PHF19: variants seen among roughly 807,000 people sequenced by gnomAD.
PHF19 encodes the protein polycomb like 3.
Under a neutral mutation model 79.8 loss-of-function variants are expected in PHF19, and 21 were observed. The ratio of observed to expected loss-of-function variants is 0.26; its 90% CI spans 0.19 to 0.38. The LOEUF (loss-of-function observed/expected upper bound fraction) is 0.38, where lower values mean the gene tolerates loss of function less well. Ranked by LOEUF, PHF19 falls within the 10% of genes least tolerant of loss-of-function variation. PHF19 has a pLI of 1.00. For synonymous variants in PHF19, 273 were observed against 296.3 expected (o/e 0.92, Z 0.81); for missense variants, 445 against 744.2 (o/e 0.60, Z 4.68).
At chr9:120,864,251 T>C (rs1237870967) in intron 9 of PHF19, 135 bp from the exon 10 acceptor site, 3 of 713,426 alleles carry the variant, frequency 4.2e-6, no homozygotes, top group East Asian at 5.4e-5. Context: ...CACTCCAGGA[T>C]CTCAGAAAAG....
chr9:120,886,959 G>A (rs2046271784), intron 1 of PHF19, among the ~76,000 whole-genome samples: 1 of 151,554 alleles, frequency 6.6e-6, no homozygotes, highest in Non-Finnish European at 1.5e-5. Context: ...ACAGCTACCC[G>A]GGAGGCTGAG....
chr9:120,896,271 G>T (rs1203255483), upstream of PHF19, among the ~76,000 whole-genome samples: 1 of 152,072 alleles, frequency 6.6e-6, no homozygotes, highest in Non-Finnish European at 1.5e-5. Flanking sequence ...ACTCTGCTAA[G>T]CTCTTAGGTC....
At chr9:120,901,204 G>GT in the PHF19 span, among the ~76,000 whole-genome samples, 132 of 150,948 alleles carry the variant, frequency 8.7e-4, 1 homozygote, top group East Asian at 3.2e-3. Flanking sequence ...TCTTTTTTTT[G>GT]TTGTTTGAGA....
Position 120,857,552 on chromosome 9 carries a change from A to T in PHF19, c.*392T>A, listed in dbSNP as rs2045388148. 1 of 176,842 alleles carries T rather than the reference A, an allele frequency of 5.7e-6. No homozygotes were observed. The highest frequency in any genetic ancestry group is 1.2e-5 in the Non-Finnish European group (1 of 85,134). The allele number at this position is 176,842 out of a possible 1,614,324, so 11.0% of individuals were successfully genotyped here. On this transcript the variant is annotated 3_prime_UTR_variant, in exon 15 of 15. Coordinates refer to ENST00000373896, the MANE Select transcript of PHF19 (RefSeq NM_015651.3). ...TGTGAAGGGGATCCAGTGGAGGGACAGCTGTGCACACACAGGATGTGCGAA... is the reference window on the plus strand; with the variant it reads ...TGTGAAGGGGATCCAGTGGAGGGACTGCTGTGCACACACAGGATGTGCGAA...
In PHF19 at chr9:120,866,987, G is replaced by A. The variant is rs766123345; in HGVS notation, c.615-22C>T. 1.2e-5 allele frequency: 18 copies of A among 1,457,706 alleles called. No individual in the cohort carries two copies. Among genetic ancestry groups the A allele is most frequent in the Non-Finnish European group, 1.4e-5 (15 of 1,037,474 alleles). 90.3% of individuals were successfully genotyped at this position (1,457,706 alleles called of 1,614,324 possible). ...CCATCTGGAGAGACAGAGGAGCCAA[G>A]GTCAGCCAGGACCACACCCCCAGTC... On this transcript the variant is annotated intron_variant, in intron 6 of 14. Transcript: ENST00000373896. This position sits in a 1 kb window ranked among gnomAD's most constrained non-coding sequence, Gnocchi z 5.2.
chr9:120,887,621 AACAC>A lies in PHF19; in HGVS notation c.42+7163_42+7166del, dbSNP rs764204141. ...TCTTAAATACATCTGTTTATGAACA[AACAC>A]ACACACACACACACACACACACACA... On this transcript the variant is annotated intron_variant, in intron 1 of 14. Transcript: ENST00000616568. 1.9e-3 allele frequency among the ~76,000 whole-genome samples: 218 copies of A among 113,620 alleles called. 1 individual carries two copies. Among genetic ancestry groups the A allele is most frequent in the African/African-American group, 3.8e-3 (109 of 28,632 alleles). 74.5% of individuals were successfully genotyped at this position (113,620 alleles called of 152,430 possible).
chr9:120,878,326 G>T (rs1030305592), upstream of PHF19, among the ~76,000 whole-genome samples: 2 of 152,174 alleles, frequency 1.3e-5, no homozygotes, highest in African/African-American at 4.8e-5. Flanking sequence ...ACCCTGCCCT[G>T]TGGGGGAAAG....
At position 120,884,795 on chromosome 9, in the gene PHF19, C is replaced by T. The variant is rs572789499; in HGVS notation, c.42+9993G>A. ...AATTAGCTGGATGTGGTGGTACACG[C>T]CTATGATCCCAGCTACTCCAGAGGC... On this transcript the variant is annotated intron_variant, in intron 1 of 14. Coordinates refer to the PHF19 transcript ENST00000616568. 4.5e-4 allele frequency among the ~76,000 whole-genome samples: 68 copies of T among 151,782 alleles called. 1 individual carries two copies. The South Asian group carries it at 0.013, about 30-fold the overall frequency.
chr9:120,884,570 T>C (rs1309397247), intron 1 of PHF19, among the ~76,000 whole-genome samples: 1 of 152,136 alleles, frequency 6.6e-6, no homozygotes, highest in East Asian at 1.9e-4. Flanking sequence ...TCAACTAGTA[T>C]TGGTGGAACT....
In PHF19 at chr9:120,869,991, C is replaced by G. The variant is rs2045847093; in HGVS notation, c.365-46G>C. ...GTGAGCGCCCACAAGGACATCGTGG[C>G]CCAAGGCCAGTTGGCCCAAAGGAGG... On this transcript the variant is annotated intron_variant, in intron 4 of 14. Coordinates refer to ENST00000373896, the MANE Select transcript of PHF19 (RefSeq NM_015651.3). The surrounding 1 kb of genome is among the most constrained non-coding windows in gnomAD (Gnocchi z 5.8). The G allele has an allele frequency of 6.5e-7, 1 of 1,541,198 alleles. No individual in the cohort carries two copies. Among genetic ancestry groups the G allele is most frequent in the East Asian group, 2.4e-5 (1 of 40,948 alleles).
At chr9:120,889,366 C>T (rs986268604) in intron 1 of PHF19, among the ~76,000 whole-genome samples, 11 of 146,428 alleles carry the variant, frequency 7.5e-5, no homozygotes, top group African/African-American at 2.8e-4. Flanking sequence ...GCGGAGGTTG[C>T]AGTGAGCTGA....
chr9:120,857,360 C>G lies in PHF19; in HGVS notation c.*584G>C, dbSNP rs1237948493. The stretch of plus-strand genomic sequence containing the variant: ...CTCTTCAGATCCTCACAGGCTTTCA[C>G]AGGGGCTCTCTCCCATCCCACCACC... On this transcript the variant is annotated 3_prime_UTR_variant, in exon 15 of 15. Coordinates refer to ENST00000373896, the MANE Select transcript of PHF19 (RefSeq NM_015651.3). The G allele has an allele frequency of 6.6e-6, 1 of 152,354 alleles. No individual in the cohort carries two copies. Among genetic ancestry groups the G allele is most frequent in the African/African-American group, 2.4e-5 (1 of 41,438 alleles). The allele number at this position is 152,354 out of a possible 1,614,324, so 9.4% of individuals were successfully genotyped here. A position where few individuals can be genotyped will look rare whatever the true frequency, so the allele number is the denominator to read the frequency against.
At chr9:120,887,230 G>C (rs974661451) in intron 1 of PHF19, among the ~76,000 whole-genome samples, 1 of 151,438 alleles carries the variant, frequency 6.6e-6, no homozygotes, top group Non-Finnish European at 1.5e-5. Context: ...CAAGGTGGGC[G>C]GATCACCTGA....
At position 120,860,996 on chromosome 9, in the gene PHF19, C is replaced by T. The variant is rs943452855; in HGVS notation, c.1304+93G>A. On this transcript the variant is annotated intron_variant, in intron 13 of 14. Transcript: ENST00000373896. This position sits in a 1 kb window ranked among gnomAD's most constrained non-coding sequence, Gnocchi z 4.1. ...AAAAGCCCCTTCAGACAGACCTGCACAGCAGGGATCCTTTTAACTGAGGGC... is the reference window on the plus strand; with the variant it reads ...AAAAGCCCCTTCAGACAGACCTGCATAGCAGGGATCCTTTTAACTGAGGGC... The T allele has an allele frequency of 1.3e-6, 1 of 799,476 alleles. No homozygotes were observed. Among genetic ancestry groups the T allele is most frequent in the Non-Finnish European group, 2.2e-6 (1 of 445,548 alleles). 49.5% of individuals were successfully genotyped at this position (799,476 alleles called of 1,614,324 possible).
At position 120,861,078 on chromosome 9, in the gene PHF19, C is replaced by T. The variant is rs377153715; in HGVS notation, c.1304+11G>A. The T allele has an allele frequency of 5.1e-5, 77 of 1,518,886 alleles. No homozygotes were observed. The highest frequency in any genetic ancestry group is 4.8e-5 in the Non-Finnish European group (52 of 1,093,238). 94.1% of individuals were successfully genotyped at this position (1,518,886 alleles called of 1,614,324 possible). On this transcript the variant is annotated intron_variant, in intron 13 of 14. Coordinates refer to ENST00000373896, the MANE Select transcript of PHF19 (RefSeq NM_015651.3). Reference sequence around the variant, plus strand: ...CAGAGCAGACCTCTGTGCTAGGTCCCTCACTGATACCTTTTTAAACTTTGA... The same window carrying T: ...CAGAGCAGACCTCTGTGCTAGGTCCTTCACTGATACCTTTTTAAACTTTGA...
chr9:120,877,526 G>T (rs1355015051), upstream of PHF19, among the ~76,000 whole-genome samples: 2 of 151,610 alleles, frequency 1.3e-5, no homozygotes, highest in Non-Finnish European at 2.9e-5. Context: ...ACACCGCGGC[G>T]CACACGGAGA....
At chr9:120,885,798 G>A (rs1321094259) in intron 1 of PHF19, among the ~76,000 whole-genome samples, 1 of 152,120 alleles carries the variant, frequency 6.6e-6, no homozygotes, top group Non-Finnish European at 1.5e-5. Context: ...CCTTCTGTTT[G>A]AGTGTTCCAT....
At chr9:120,871,037 A>C (rs2045880410) in intron 3 of PHF19, among the ~76,000 whole-genome samples, 1 of 152,100 alleles carries the variant, frequency 6.6e-6, no homozygotes, top group Non-Finnish European at 1.5e-5. Context: ...CGAGTAGCTG[A>C]GATTGCAGGT....
chr9:120,864,036 T>G lies in PHF19; in HGVS notation c.968+13A>C. Reference sequence around the variant, plus strand: ...GAGGGCCCCACCACACTCCCTCCCCTCCCTGCACGCACCGGCTTTTATAAC... The same window carrying G: ...GAGGGCCCCACCACACTCCCTCCCCGCCCTGCACGCACCGGCTTTTATAAC... On this transcript the variant is annotated intron_variant, in intron 10 of 14. Coordinates refer to ENST00000373896, the MANE Select transcript of PHF19 (RefSeq NM_015651.3). The G allele has an allele frequency of 6.2e-7, 1 of 1,611,170 alleles. No homozygotes were observed. The highest frequency in any genetic ancestry group is 8.5e-7 in the Non-Finnish European group (1 of 1,178,122).
Sources: gnomAD v4.1 joint callset for allele counts (sites outside exome capture counted in the v4.1 genomes callset) on GRCh38, gnomAD v4.1.1 for gene constraint, Gnocchi (gnomAD v3.1) non-coding constraint, MANE v1.5 for transcripts, NCBI Gene and HGNC (gene_info 2026-07-23, HGNC 2026-07-21) for gene names.